GLRB: variants seen among roughly 807,000 people sequenced by gnomAD.
GLRB encodes the protein glycine receptor beta, also known as glycine receptor subunit beta.
GLRB carries 33 observed loss-of-function variants against 54.2 expected under a neutral mutation model. That is an observed-to-expected ratio of 0.61 (90% CI 0.46 to 0.81). GLRB has a LOEUF of 0.81. Ranked by LOEUF, GLRB falls within the 40% of genes least tolerant of loss-of-function variation. The pLI is 0.00. For synonymous variants in GLRB, 209 were observed against 208.2 expected, an observed-to-expected ratio of 1.00 and a Z score of -0.03; for missense variants, 572 against 584.6, an observed-to-expected ratio of 0.98 and a Z score of 0.22.
At chr4:157,154,423 C>CTTTTTTTT (rs778002566) in intron 9 of GLRB, among the ~76,000 whole-genome samples, 4 of 103,460 alleles carry the variant, frequency 3.9e-5, no homozygotes, top group African/African-American at 8.3e-5. Flanking sequence ...CTTCTTTTTC[C>CTTTTTTTT]TTTTTTTTTT....
chr4:157,083,930 A>G lies in GLRB; in HGVS notation c.122+5784A>G, dbSNP rs562338065. Reference sequence around the variant, plus strand: ...CTACTATAATTTTCAAGAAATAATGATCAGGATAACAAATGAACAGGATAA... The same window carrying G: ...CTACTATAATTTTCAAGAAATAATGGTCAGGATAACAAATGAACAGGATAA... On this transcript the variant is annotated intron_variant, in intron 2 of 9. Coordinates refer to ENST00000264428, the MANE Select transcript of GLRB (RefSeq NM_000824.5). Among the ~76,000 whole-genome samples, 22 of 152,316 alleles carry G rather than the reference A, an allele frequency of 1.4e-4. No homozygotes were observed. In the South Asian group the frequency reaches 2.5e-3, roughly 17 times the overall value.
intron 6 of GLRB, 73 bp downstream of exon 6, chr4:157,136,959 A>G (rs1736427755): frequency 2.3e-6 from 2 of 872,814 alleles, no homozygotes; most frequent in Non-Finnish European, 3.9e-6. Context: ...TTCTACTGAC[A>G]TCTTAGACAA....
chr4:157,114,984 C>T (rs1330151940), intron 2 of GLRB, among the ~76,000 whole-genome samples: 1 of 151,710 alleles, frequency 6.6e-6, no homozygotes, highest in Admixed American at 6.6e-5. Flanking sequence ...TCACTATGCA[C>T]AGCTCACACT....
At chr4:157,091,196 G>C (rs1459303506) in intron 2 of GLRB, among the ~76,000 whole-genome samples, 1 of 151,978 alleles carries the variant, frequency 6.6e-6, no homozygotes, top group South Asian at 2.1e-4. Flanking sequence ...TAATAGTTTG[G>C]CGTGCAGCAC....
rs779269211 is a variant in GLRB at position 157,153,015 on chromosome 4, G to A, written c.1197+5G>A. 3.1e-6 allele frequency: 5 copies of A among 1,610,178 alleles called. No individual in the cohort carries two copies. Among genetic ancestry groups the A allele is most frequent in the Non-Finnish European group, 4.2e-6 (5 of 1,176,570 alleles). On this transcript the variant is annotated splice_donor_5th_base_variant and intron_variant, in intron 9 of 9. Transcript: ENST00000264428. The stretch of plus-strand genomic sequence containing the variant: ...GTTCATATTAGCACTTTGCAGGTAA[G>A]GATAAAATTATGCCATGAAATCATT...
At chr4:157,109,594 G>A (rs1463604795) in intron 2 of GLRB, among the ~76,000 whole-genome samples, 1 of 151,798 alleles carries the variant, frequency 6.6e-6, no homozygotes, top group Non-Finnish European at 1.5e-5. Context: ...TGTTTTCCTG[G>A]TGATAGTGTT....
chr4:157,097,763 G>A (rs1198551400), intron 2 of GLRB, among the ~76,000 whole-genome samples: 5 of 152,220 alleles, frequency 3.3e-5, no homozygotes, highest in African/African-American at 7.2e-5. Flanking sequence ...GCTCACGCCC[G>A]TAATCCCAGC....
intron 4 of GLRB, among the ~76,000 whole-genome samples, chr4:157,131,015 A>T (rs552357492): frequency 1.3e-5 from 2 of 150,160 alleles, no homozygotes; most frequent in East Asian, 3.9e-4. Flanking sequence ...ACAGAGACGT[A>T]TAGGCATAGT....
rs550304400 is a variant in GLRB at position 157,109,916 on chromosome 4, A to G, written c.123-10640A>G. 3.3e-5 allele frequency among the ~76,000 whole-genome samples: 5 copies of G among 152,160 alleles called. No individual in the cohort carries two copies. The South Asian group carries it at 8.3e-4, about 25-fold the overall frequency. On this transcript the variant is annotated intron_variant, in intron 2 of 9. Transcript: ENST00000264428. ...AAGCTTCCGTGCCCTCTCTGGGTAC[A>G]CCATCCTTTACAATCCTCTATGTCT...
chr4:157,168,689 A>AT (rs1280318933), intron 9 of GLRB, among the ~76,000 whole-genome samples: 1 of 152,034 alleles, frequency 6.6e-6, no homozygotes, highest in African/African-American at 2.4e-5. Context: ...CCTCATCAAC[A>AT]TTTTTTGGGT....
At chr4:157,120,493 A>G in intron 2 of GLRB, 63 bp from the exon 3 acceptor site, 1 of 812,284 alleles carries the variant, frequency 1.2e-6, no homozygotes, top group Non-Finnish European at 2.1e-6. Context: ...TCCCAATGAG[A>G]ATTACCCATT....
intron 2 of GLRB, among the ~76,000 whole-genome samples, chr4:157,108,259 G>T (rs931759854): frequency 1.1e-4 from 17 of 152,024 alleles, no homozygotes; most frequent in African/African-American, 4.1e-4. Flanking sequence ...TATTATCTAA[G>T]AAATACATTT....
chr4:157,128,186 C>CTA (rs778542857), intron 4 of GLRB, among the ~76,000 whole-genome samples: 46 of 151,848 alleles, frequency 3.0e-4, no homozygotes, highest in Non-Finnish European at 4.9e-4. Flanking sequence ...TTTTAAATAT[C>CTA]TATATATATG....
At chr4:157,149,472 C>G (rs1413361239) in intron 8 of GLRB, among the ~76,000 whole-genome samples, 1 of 152,012 alleles carries the variant, frequency 6.6e-6, no homozygotes. Context: ...ACACAAAATA[C>G]TTTAGTTTCT....
intron 4 of GLRB, among the ~76,000 whole-genome samples, chr4:157,132,281 G>C (rs555117414): frequency 6.6e-6 from 1 of 151,558 alleles, no homozygotes; most frequent in Non-Finnish European, 1.5e-5. Context: ...AGTTTCAAGA[G>C]TTCTTTGTAT....
At chr4:157,142,226 A>G (rs1260124629) in intron 7 of GLRB, among the ~76,000 whole-genome samples, 1 of 152,116 alleles carries the variant, frequency 6.6e-6, no homozygotes, top group Non-Finnish European at 1.5e-5. Context: ...TGGTGGGAAA[A>G]GAAAAGAAAG....
chr4:157,081,779 C>T (rs553542426), intron 2 of GLRB, among the ~76,000 whole-genome samples: 2 of 152,184 alleles, frequency 1.3e-5, no homozygotes, highest in South Asian at 2.1e-4. Context: ...TTGACCTTAC[C>T]GTGTATTTTC....
At position 157,152,882 on chromosome 4, in the gene GLRB, CCCAAAAGGG is replaced by C. The variant is rs1205039740; in HGVS notation, c.1070_1078del (p.Pro357_Val360delinsLeu). On this transcript the variant is annotated inframe_deletion, in exon 9 of 10. Coordinates refer to ENST00000264428, the MANE Select transcript of GLRB (RefSeq NM_000824.5). ...AGTTGTCCAGGTGATGCTGAACAAC[CCCAAAAGGG>C]TTGAAGCTGAAAAAGCCAGAATTGC... is the stretch of plus-strand genomic sequence containing the variant. 2 of 1,613,924 alleles carry C rather than the reference CCCAAAAGGG, an allele frequency of 1.2e-6. No homozygotes were observed.
chr4:157,085,071 C>T (rs563728663), intron 2 of GLRB, among the ~76,000 whole-genome samples: 1 of 152,186 alleles, frequency 6.6e-6, no homozygotes, highest in African/African-American at 2.4e-5. Context: ...TAATGGCATG[C>T]TGTTATTTTG....
Sources: gnomAD v4.1 joint callset for allele counts (sites outside exome capture counted in the v4.1 genomes callset) on GRCh38, gnomAD v4.1.1 for gene constraint, MANE v1.5 for transcripts, NCBI Gene and HGNC (gene_info 2026-07-23, HGNC 2026-07-21) for gene names.